The following TMEM63C variants were observed in gnomAD, a reference collection of about 807,000 sequenced individuals.
TMEM63C encodes the protein osmosensitive cation channel TMEM63C.
A neutral mutation model predicts 99.2 loss-of-function variants in TMEM63C; 32 were observed. The ratio of observed to expected loss-of-function variants is 0.32; its 90% confidence interval spans 0.24 to 0.43. TMEM63C has a LOEUF of 0.43. Among genes scored for constraint, TMEM63C ranks in the 20% least tolerant of loss-of-function variants. TMEM63C has a pLI of 1.00. For synonymous variants in TMEM63C, 376 were observed against 397.9 expected (o/e 0.94, Z 0.66); for missense variants, 826 against 1,053.0 (o/e 0.78, Z 2.98).
intron 1 of TMEM63C, among the ~76,000 whole-genome samples, chr14:77,208,160 A>G (rs887328722): frequency 1.4e-4 from 21 of 152,374 alleles, no homozygotes; most frequent in Admixed American, 3.3e-4. Context: ...GGACTGGGAC[A>G]TGATGCTGTA....
chr14:77,256,805 GGACCTCCCCACTACCTCCTGCA>G lies in TMEM63C; in HGVS notation c.*83_*104del, dbSNP rs1156305444. The G allele has an allele frequency of 3.6e-6, 5 of 1,377,312 alleles. No homozygotes were observed. The highest frequency in any genetic ancestry group is 5.0e-6 in the Non-Finnish European group (5 of 991,446). 85.3% of individuals were successfully genotyped at this position (1,377,312 alleles called of 1,614,324 possible). A position where few individuals can be genotyped will look rare whatever the true frequency, so the allele number is the denominator to read the frequency against. On this transcript the variant is annotated 3_prime_UTR_variant, in exon 24 of 24. Transcript: ENST00000298351. The stretch of plus-strand genomic sequence containing the variant: ...GCAAGGGGAGGCAGGAGGGTGGCCT[GGACCTCCCCACTACCTCCTGCA>G]GACTTTGAGAAGCCCACAGTGGAGA...
chr14:77,193,734 T>C (rs1888150362), intron 1 of TMEM63C, among the ~76,000 whole-genome samples: 1 of 151,672 alleles, frequency 6.6e-6, no homozygotes, highest in Non-Finnish European at 1.5e-5. Flanking sequence ...CTCGGGAGGC[T>C]GAGGCAGGAG....
chr14:77,209,982 A>G (rs567587786), intron 1 of TMEM63C, among the ~76,000 whole-genome samples: 1 of 152,258 alleles, frequency 6.6e-6, no homozygotes, highest in African/African-American at 2.4e-5. Flanking sequence ...GGAGGAGAAT[A>G]TAAGGACCAG....
chr14:77,223,649 ATG>A (rs1440826815), intron 5 of TMEM63C, among the ~76,000 whole-genome samples: 2 of 151,934 alleles, frequency 1.3e-5, no homozygotes, highest in South Asian at 2.1e-4. Flanking sequence ...GTGTGTGTGT[ATG>A]TGTGTGCACA....
At chr14:77,226,716 G>A (rs1435403846) in intron 6 of TMEM63C, among the ~76,000 whole-genome samples, 1 of 151,854 alleles carries the variant, frequency 6.6e-6, no homozygotes, top group Non-Finnish European at 1.5e-5. Flanking sequence ...AAGGTTTCAT[G>A]GTAAGTGTGG....
chr14:77,226,946 T>TTAG (rs1888839773), intron 6 of TMEM63C, among the ~76,000 whole-genome samples: 1 of 152,110 alleles, frequency 6.6e-6, no homozygotes, highest in Non-Finnish European at 1.5e-5. Flanking sequence ...TTTTGTATTT[T>TTAG]TAGTAGAGAC....
chr14:77,237,084 T>A (rs1403619970), intron 9 of TMEM63C, among the ~76,000 whole-genome samples: 2 of 151,912 alleles, frequency 1.3e-5, no homozygotes, highest in African/African-American at 4.8e-5. Context: ...ACTTTCAGAC[T>A]GGTTGGTAAA....
At chr14:77,241,568 C>T (rs1011327164) in intron 13 of TMEM63C, among the ~76,000 whole-genome samples, 17 of 152,178 alleles carry the variant, frequency 1.1e-4, no homozygotes, top group Admixed American at 2.6e-4. Flanking sequence ...CTACCCCAAC[C>T]CTACAAAGGA....
chr14:77,193,074 A>G, intron 1 of TMEM63C, among the ~76,000 whole-genome samples: 1 of 152,220 alleles, frequency 6.6e-6, no homozygotes, highest in East Asian at 1.9e-4. Context: ...ATTTAGAAAA[A>G]CTTCTTTAAA....
chr14:77,249,810 T>A (rs945501508), intron 21 of TMEM63C, among the ~76,000 whole-genome samples: 3 of 152,202 alleles, frequency 2.0e-5, no homozygotes, highest in Non-Finnish European at 4.4e-5. Flanking sequence ...TGGGATCCCA[T>A]AAGATGCCTG....
chr14:77,239,339 T>G, intron 10 of TMEM63C, 73 bp from the exon 11 acceptor site: 2 of 1,515,426 alleles, frequency 1.3e-6, no homozygotes, highest in Non-Finnish European at 9.1e-7. Context: ...AGGGCCGACA[T>G]GCTGGGCAGG....
rs1326366467 is a variant in TMEM63C at position 77,242,568 on chromosome 14, G to GAC, written c.1187+100_1187+101dup. On this transcript the variant is annotated intron_variant, in intron 14 of 23. Coordinates refer to ENST00000298351, the MANE Select transcript of TMEM63C (RefSeq NM_020431.4). ...TCTCCCCATGTCATTGCCCAACAGA[G>GAC]ACTCCAAGGGGACTAAGTTCCATGC... The GAC allele has an allele frequency of 5.5e-5, 81 of 1,463,658 alleles. No individual in the cohort carries two copies. The East Asian group carries it at 1.3e-3, about 23-fold the overall frequency. 90.7% of individuals were successfully genotyped at this position (1,463,658 alleles called of 1,614,324 possible).
In TMEM63C at chr14:77,252,270, G is replaced by A. The variant is rs576973051; in HGVS notation, c.2148+372G>A. On this transcript the variant is annotated intron_variant, in intron 22 of 23. Coordinates refer to ENST00000298351, the MANE Select transcript of TMEM63C (RefSeq NM_020431.4). ...AGGATGGAGCAAAGGAGGTTGCGGG[G>A]GGAGTTGCTGATGATTCAAAAAGAG... 1.4e-4 allele frequency among the ~76,000 whole-genome samples: 22 copies of A among 152,060 alleles called. No homozygotes were observed. In the South Asian group the frequency reaches 4.0e-3, roughly 28 times the overall value.
intron 1 of TMEM63C, among the ~76,000 whole-genome samples, chr14:77,195,010 C>T (rs1036289283): frequency 2.0e-5 from 3 of 151,948 alleles, no homozygotes; most frequent in African/African-American, 7.3e-5. Context: ...TCTTAACTAT[C>T]TAGGAGGCGG....
At chr14:77,208,195 C>T (rs570004213) in intron 1 of TMEM63C, among the ~76,000 whole-genome samples, 5 of 152,312 alleles carry the variant, frequency 3.3e-5, no homozygotes, top group Admixed American at 6.5e-5. Context: ...TACAGGGAAT[C>T]GCAGGGTCTC....
At chr14:77,188,561 T>G (rs74766369) in intron 1 of TMEM63C, among the ~76,000 whole-genome samples, 2 of 152,190 alleles carry the variant, frequency 1.3e-5, no homozygotes, top group Admixed American at 6.5e-5. Context: ...AGGGCAGCAA[T>G]GCTTGAAATG....
chr14:77,228,956 T>A (rs1888884925), intron 6 of TMEM63C, among the ~76,000 whole-genome samples: 1 of 152,228 alleles, frequency 6.6e-6, no homozygotes, highest in Non-Finnish European at 1.5e-5. Context: ...GAGGCCTGCA[T>A]GGTGCTGAGC....
At chr14:77,207,167 A>G (rs1888416276) in intron 1 of TMEM63C, among the ~76,000 whole-genome samples, 1 of 152,212 alleles carries the variant, frequency 6.6e-6, no homozygotes, top group South Asian at 2.1e-4. Flanking sequence ...TCTGGAGGAC[A>G]AGGAAAAGAA....
intron 21 of TMEM63C, among the ~76,000 whole-genome samples, chr14:77,250,959 C>T (rs1425158810): frequency 6.6e-6 from 1 of 152,208 alleles, no homozygotes; most frequent in African/African-American, 2.4e-5. Flanking sequence ...GCCCCCTTTC[C>T]AGGCATGCGC....
Sources: allele counts gnomAD v4.1 joint callset (sites outside exome capture counted in the v4.1 genomes callset), GRCh38; gene constraint gnomAD v4.1.1; transcripts MANE v1.5; gene names NCBI Gene and HGNC (gene_info 2026-07-23, HGNC 2026-07-21).